The following CACNA1C variants were observed in gnomAD, a reference collection of about 807,000 sequenced individuals.
CACNA1C encodes calcium voltage-gated channel subunit alpha1 C, also known as voltage-dependent L-type calcium channel subunit alpha-1C.
In CACNA1C, 30 loss-of-function variants were observed where a neutral mutation model predicts 229.0. That is an observed-to-expected ratio of 0.13 (90% CI 0.10 to 0.18). CACNA1C has a LOEUF of 0.18. Ranked by LOEUF, CACNA1C falls within the 10% of genes least tolerant of loss-of-function variation. The pLI is 1.00. For missense variants in CACNA1C, 1,658 were observed against 2,845.0 expected, an observed-to-expected ratio of 0.58 and a Z score of 9.49; for synonymous variants, 1,114 against 1,132.5, an observed-to-expected ratio of 0.98 and a Z score of 0.33.
At chr12:2,470,764 T>C (rs948071720) in intron 5 of CACNA1C, among the ~76,000 whole-genome samples, 2 of 152,188 alleles carry the variant, frequency 1.3e-5, no homozygotes, top group African/African-American at 2.4e-5. Context: ...CTACTAGTAC[T>C]CTGTGGGTCC....
At chr12:2,555,729 C>G (rs973793482) in intron 10 of CACNA1C, among the ~76,000 whole-genome samples, 1 of 152,214 alleles carries the variant, frequency 6.6e-6, no homozygotes, top group Non-Finnish European at 1.5e-5. Flanking sequence ...AGGCGCTTGG[C>G]TCAGACTCGC....
intron 5 of CACNA1C, among the ~76,000 whole-genome samples, chr12:2,476,916 A>G (rs2099632554): frequency 6.6e-6 from 1 of 152,246 alleles, no homozygotes; most frequent in African/African-American, 2.4e-5. Flanking sequence ...TATCCAGGCA[A>G]TAGTTCTTTC....
At position 2,643,431 on chromosome 12, in the gene CACNA1C, C is replaced by T. The variant is rs1430382583; in HGVS notation, c.3913-5044C>T. Among the ~76,000 whole-genome samples the T allele has an allele frequency of 4.6e-5, 7 of 152,228 alleles. No individual in the cohort carries two copies. The East Asian group carries it at 1.3e-3, about 29-fold the overall frequency. ...TTCTGCTTAGAATTGCTTTCAACTA[C>T]GCATACCTCATTCATTTGCTCTTCT... On this transcript the variant is annotated intron_variant, in intron 30 of 46. Coordinates refer to ENST00000399655, the MANE Select transcript of CACNA1C (RefSeq NM_000719.7).
intron 1 of CACNA1C, among the ~76,000 whole-genome samples, chr12:2,073,108 A>C (rs2061956827): frequency 1.3e-5 from 2 of 152,170 alleles, no homozygotes; most frequent in Admixed American, 6.5e-5. Context: ...AAGTGAGTGA[A>C]TCTTTCAGCT....
intron 3 of CACNA1C, among the ~76,000 whole-genome samples, chr12:2,254,053 TG>T (rs1485996249): frequency 6.6e-6 from 1 of 152,192 alleles, no homozygotes; most frequent in Non-Finnish European, 1.5e-5. Context: ...AAGCCATCAC[TG>T]GGTGACCAAC....
At chr12:2,594,935 C>T (rs2067368984) in intron 19 of CACNA1C, among the ~76,000 whole-genome samples, 1 of 152,234 alleles carries the variant, frequency 6.6e-6, no homozygotes, top group Non-Finnish European at 1.5e-5. Context: ...CTGTTATTGG[C>T]TTCCATCTTC....
At chr12:2,635,877 T>C (rs1210479041) in intron 30 of CACNA1C, among the ~76,000 whole-genome samples, 2 of 152,164 alleles carry the variant, frequency 1.3e-5, no homozygotes, top group Non-Finnish European at 2.9e-5. Context: ...TGTGTGAGTG[T>C]ATGTGTGTAT....
Position 2,178,299 on chromosome 12 carries a change from G to A in CACNA1C, c.477+57869G>A, listed in dbSNP as rs1319783898. Among the ~76,000 whole-genome samples the A allele has an allele frequency of 2.0e-5, 3 of 152,220 alleles. 1 individual carries two copies. The South Asian group carries it at 6.2e-4, about 32-fold the overall frequency. ...GAGGATTTTGGAGGAGCCAGCGGCTGGCTATCGAGAAGGGAAGGGAGCTAG... is the reference window on the plus strand; with the variant it reads ...GAGGATTTTGGAGGAGCCAGCGGCTAGCTATCGAGAAGGGAAGGGAGCTAG... On this transcript the variant is annotated intron_variant, in intron 3 of 46. Transcript: ENST00000399655.
At chr12:2,600,339 C>CTTT (rs1451726183) in intron 21 of CACNA1C, among the ~76,000 whole-genome samples, 2 of 152,182 alleles carry the variant, frequency 1.3e-5, no homozygotes, top group Non-Finnish European at 2.9e-5. Flanking sequence ...TCCTTTGGGA[C>CTTT]CCCCTGCTGC....
chr12:2,560,204 G>C (rs1030002532), intron 11 of CACNA1C, among the ~76,000 whole-genome samples: 8 of 152,326 alleles, frequency 5.3e-5, no homozygotes, highest in African/African-American at 1.9e-4. Context: ...GATGGTGTCT[G>C]CTTAGGGAAT....
chr12:2,374,498 A>T (rs1385012939), intron 3 of CACNA1C, among the ~76,000 whole-genome samples: 2 of 152,204 alleles, frequency 1.3e-5, no homozygotes, highest in Non-Finnish European at 2.9e-5. Context: ...ATAGCATATC[A>T]CAGCCCACGC....
chr12:2,086,117 A>G (rs944822299), intron 1 of CACNA1C, among the ~76,000 whole-genome samples: 1 of 151,908 alleles, frequency 6.6e-6, no homozygotes, highest in South Asian at 2.1e-4. Context: ...TCATCACTAC[A>G]TGGTAGACTG....
At chr12:2,272,805 C>T (rs557746161) in intron 3 of CACNA1C, among the ~76,000 whole-genome samples, 227 of 152,304 alleles carry the variant, frequency 1.5e-3, no homozygotes, top group African/African-American at 4.8e-3. Context: ...ACTAGTGCTA[C>T]GTTACATTTA....
intron 46 of CACNA1C, chr12:2,690,675 C>G (rs997318262): frequency 5.9e-6 from 3 of 507,080 alleles, no homozygotes; most frequent in Non-Finnish European, 1.0e-5. Context: ...TTTGACCACC[C>G]CAGCCAAAAC....
chr12:2,098,471 T>C (rs1208383994), intron 1 of CACNA1C, among the ~76,000 whole-genome samples: 1 of 152,146 alleles, frequency 6.6e-6, no homozygotes, highest in Non-Finnish European at 1.5e-5. Context: ...GTATGTAATG[T>C]TTTTAGTGTG....
At chr12:2,024,600 A>G (rs1267006334) in intron 1 of CACNA1C, among the ~76,000 whole-genome samples, 1 of 152,194 alleles carries the variant, frequency 6.6e-6, no homozygotes, top group Non-Finnish European at 1.5e-5. Flanking sequence ...TCTCAGCCCA[A>G]CAACCAGAAC....
chr12:2,638,060 G>A (rs908812680), intron 30 of CACNA1C, among the ~76,000 whole-genome samples: 16 of 152,190 alleles, frequency 1.1e-4, no homozygotes, highest in African/African-American at 3.9e-4. Flanking sequence ...TGAGGCACCT[G>A]GGATCCATCA....
At position 2,678,904 on chromosome 12, in the gene CACNA1C, G is replaced by C. The variant is rs532575721; in HGVS notation, c.5092-540G>C. On this transcript the variant is annotated intron_variant, in intron 41 of 46. Transcript: ENST00000399655. This position sits in a 1 kb window ranked among gnomAD's most constrained non-coding sequence, Gnocchi z 4.1. Reference sequence around the variant, plus strand: ...TTGGCTCCTGGTTTTAAATCTCTCTGAGTCCCCGAGGGGAAAAAGACCATC... The same window carrying C: ...TTGGCTCCTGGTTTTAAATCTCTCTCAGTCCCCGAGGGGAAAAAGACCATC... Among the ~76,000 whole-genome samples, 2 of 152,324 alleles carry C rather than the reference G, an allele frequency of 1.3e-5. No individual in the cohort carries two copies. The highest frequency in any genetic ancestry group is 3.9e-4 in the East Asian group (2 of 5,174).
Position 2,053,405 on chromosome 12 carries a change from G to A in CACNA1C, c.-158G>A. 1 of 1,406,352 alleles carries A rather than the reference G, an allele frequency of 7.1e-7. No individual in the cohort carries two copies. The highest frequency in any genetic ancestry group is 9.3e-7 in the Non-Finnish European group (1 of 1,075,688). The allele number at this position is 1,406,352 out of a possible 1,614,324, so 87.1% of individuals were successfully genotyped here. A position where few individuals can be genotyped will look rare whatever the true frequency, so the allele number is the denominator to read the frequency against. ...ATGCCATAATGGGAATCAGGTAATC[G>A]TCGGCGGGGAAGAAGAAACGCTGCA... On this transcript the variant is annotated 5_prime_UTR_variant, in exon 1 of 47. Transcript: ENST00000399655. This position sits in a 1 kb window ranked among gnomAD's most constrained non-coding sequence, Gnocchi z 5.8.
Sources: gnomAD v4.1 joint callset for allele counts (sites outside exome capture counted in the v4.1 genomes callset) on GRCh38, gnomAD v4.1.1 for gene constraint, Gnocchi (gnomAD v3.1) non-coding constraint, MANE v1.5 for transcripts, NCBI Gene and HGNC (gene_info 2026-07-23, HGNC 2026-07-21) for gene names.